SLC30A9: variants seen among roughly 807,000 people sequenced by gnomAD.
SLC30A9 encodes the protein solute carrier family 30 member 9.
Under a neutral mutation model 87.5 loss-of-function variants are expected in SLC30A9, and 58 were observed. That is an observed-to-expected ratio of 0.66 (90% confidence interval 0.54 to 0.82). SLC30A9 has a LOEUF of 0.82. SLC30A9 is among the 40% of genes least tolerant of loss of function. The probability of loss-of-function intolerance (pLI) is 0.00; values close to 1 mark genes in which losing one functional copy is unlikely to be tolerated. For synonymous variants in SLC30A9, 234 were observed against 233.0 expected, an observed-to-expected ratio of 1.00 and a Z score of -0.04; for missense variants, 557 against 679.1, an observed-to-expected ratio of 0.82 and a Z score of 2.00.
intron 4 of SLC30A9, 114 bp downstream of exon 4, chr4:42,020,629 T>A (rs992786534): frequency 1.1e-5 from 6 of 531,198 alleles, no homozygotes; most frequent in African/African-American, 5.8e-5. Flanking sequence ...TGCTACTGGC[T>A]CCTTAAAATG....
At chr4:42,068,969 A>G (rs765140168) in intron 14 of SLC30A9, among the ~76,000 whole-genome samples, 2 of 152,226 alleles carry the variant, frequency 1.3e-5, no homozygotes, top group Non-Finnish European at 2.9e-5. Context: ...ACGAGCTTCC[A>G]CAGTTCTGCA....
At chr4:42,054,595 A>G (rs1471872867) in intron 9 of SLC30A9, among the ~76,000 whole-genome samples, 1 of 150,766 alleles carries the variant, frequency 6.6e-6, no homozygotes, top group Non-Finnish European at 1.5e-5. Context: ...GGTTCACACC[A>G]TTCTCCTGCC....
intron 6 of SLC30A9, among the ~76,000 whole-genome samples, chr4:42,026,713 C>CTTTTTTTTTTT (rs1168719605): frequency 1.3e-5 from 1 of 74,488 alleles, no homozygotes. Flanking sequence ...AAGTTTGTTC[C>CTTTTTTTTTTT]TTTTTTTTTT....
chr4:42,060,060 C>A, intron 9 of SLC30A9, 131 bp from the exon 10 acceptor site: 1 of 598,298 alleles, frequency 1.7e-6, no homozygotes. Context: ...ACCAGAATTG[C>A]TGGGTCATTG....
At chr4:42,060,085 G>C (rs973801166) in intron 9 of SLC30A9, 106 bp from the exon 10 acceptor site, 17 of 813,474 alleles carry the variant, frequency 2.1e-5, no homozygotes, top group African/African-American at 2.0e-4. Flanking sequence ...TGCATATGTT[G>C]AGTGTTTCTT....
rs1719022893 is a variant in SLC30A9, at chr4:42,089,220, C to G, written c.*3094C>G. On this transcript the variant is annotated 3_prime_UTR_variant, in exon 18 of 18. Transcript: ENST00000264451. The stretch of plus-strand genomic sequence containing the variant: ...ATCAAAGGTGAGGTATACAGTGGTC[C>G]CTGACTTATAATGGTTGCACTTAAG... The G allele has an allele frequency of 6.6e-6, 1 of 151,948 alleles. No individual in the cohort carries two copies. The highest frequency in any genetic ancestry group is 6.6e-5 in the Admixed American group (1 of 15,248). 9.4% of individuals were successfully genotyped at this position (151,948 alleles called of 1,614,324 possible).
At chr4:42,076,260 A>G (rs1718546258) in intron 16 of SLC30A9, among the ~76,000 whole-genome samples, 1 of 152,178 alleles carries the variant, frequency 6.6e-6, no homozygotes, top group African/African-American at 2.4e-5. Context: ...GCCCCTGTCA[A>G]ATCTTAACAT....
chr4:42,056,578 A>G (rs763061325), intron 9 of SLC30A9, among the ~76,000 whole-genome samples: 12 of 152,092 alleles, frequency 7.9e-5, no homozygotes, highest in Non-Finnish European at 1.3e-4. Context: ...GGAATTCAAG[A>G]TGAGATTTGG....
chr4:42,054,208 A>G (rs1412226654), intron 9 of SLC30A9, among the ~76,000 whole-genome samples: 3 of 152,038 alleles, frequency 2.0e-5, no homozygotes, highest in Non-Finnish European at 2.9e-5. Flanking sequence ...ATACAAAAAC[A>G]TTAGCTGAGC....
chr4:42,066,557 T>A lies in SLC30A9; in HGVS notation c.1080T>A (p.Leu360=), dbSNP rs1166312018. The change falls in exon 13 of 18, where the codon CTT becomes CTA. Residue 360 remains leucine (L), a synonymous_variant. Coordinates refer to ENST00000264451, the MANE Select transcript of SLC30A9 (RefSeq NM_006345.4). ...TGAATGCTTTTCTTTTAGCAACACT[T>A]CTTGTTGCTGTAAATGAACTTCGTA... The part of the protein sequence containing the change: ...AGSLVSEGAT[L]LVAVNELRRN... The A allele has an allele frequency of 1.2e-6, 2 of 1,601,596 alleles. No homozygotes were observed. Among genetic ancestry groups the A allele is most frequent in the African/African-American group, 1.3e-5 (1 of 74,586 alleles).
Position 42,007,769 on chromosome 4 carries a change from A to T in SLC30A9, c.274+5989A>T, listed in dbSNP as rs573025096. Reference sequence around the variant, plus strand: ...AAGACTCCATCTCAAAAAACAAAAGATGTCACACATCTTAACACAACTACT... The same window carrying T: ...AAGACTCCATCTCAAAAAACAAAAGTTGTCACACATCTTAACACAACTACT... On this transcript the variant is annotated intron_variant, in intron 2 of 17. Coordinates refer to ENST00000264451, the MANE Select transcript of SLC30A9 (RefSeq NM_006345.4). Among the ~76,000 whole-genome samples, 8 of 151,984 alleles carry T rather than the reference A, an allele frequency of 5.3e-5. No homozygotes were observed. The South Asian group carries it at 1.5e-3, about 28-fold the overall frequency.
chr4:41,998,208 A>C (rs1271884751), intron 1 of SLC30A9, among the ~76,000 whole-genome samples: 1 of 152,196 alleles, frequency 6.6e-6, no homozygotes, highest in African/African-American at 2.4e-5. Context: ...CCATGAGAGT[A>C]AAATAAAGAC....
intron 1 of SLC30A9, among the ~76,000 whole-genome samples, chr4:41,999,853 T>A (rs932335460): frequency 2.6e-5 from 4 of 152,152 alleles, no homozygotes; most frequent in East Asian, 1.9e-4. Flanking sequence ...GGTTTTTTTT[T>A]AATTTCTGGT....
intron 14 of SLC30A9, 35 bp from the exon 15 acceptor site, chr4:42,070,491 G>C: frequency 6.4e-7 from 1 of 1,565,842 alleles, no homozygotes; most frequent in East Asian, 2.2e-5. Context: ...AATATAAACT[G>C]TTAATTTACT....
At position 42,086,235 on chromosome 4, in the gene SLC30A9, C is replaced by A; in HGVS notation, c.*109C>A. The A allele has an allele frequency of 1.7e-6, 1 of 578,260 alleles. No individual in the cohort carries two copies. The highest frequency in any genetic ancestry group is 3.0e-6 in the Non-Finnish European group (1 of 335,786). 35.8% of individuals were successfully genotyped at this position (578,260 alleles called of 1,614,324 possible). The stretch of plus-strand genomic sequence containing the variant: ...TGAAAGACTCAGTGCCATGCAGAAG[C>A]CTTTTTTTTAAGATGAAGGAAATAT... On this transcript the variant is annotated 3_prime_UTR_variant, in exon 18 of 18. Transcript: ENST00000264451.
intron 2 of SLC30A9, among the ~76,000 whole-genome samples, chr4:42,017,084 A>G (rs1217232237): frequency 1.3e-5 from 2 of 152,142 alleles, no homozygotes; most frequent in Non-Finnish European, 1.5e-5. Context: ...TCATTGTTCC[A>G]TACCCTTGCC....
intron 6 of SLC30A9, chr4:42,029,896 A>G: frequency 1.4e-6 from 1 of 702,806 alleles, no homozygotes; most frequent in Admixed American, 1.8e-5. Context: ...AGAAATGTGG[A>G]GTATTTTGGA....
chr4:42,003,037 TATA>T lies in SLC30A9; in HGVS notation c.274+1261_274+1263del, dbSNP rs757550577. Among the ~76,000 whole-genome samples, 66 of 152,308 alleles carry T rather than the reference TATA, an allele frequency of 4.3e-4. 1 individual carries two copies. The highest frequency in any genetic ancestry group is 1.9e-3 in the Admixed American group (29 of 15,298). On this transcript the variant is annotated intron_variant, in intron 2 of 17. Coordinates refer to ENST00000264451, the MANE Select transcript of SLC30A9 (RefSeq NM_006345.4). ...GATAACACATCCCACAGTTTTGATA[TATA>T]ATATTTTTATTATTTGTAAATCTAA...
chr4:42,038,989 C>T lies in SLC30A9; in HGVS notation c.673C>T (p.Arg225Cys), dbSNP rs767513447. The T allele has an allele frequency of 5.3e-5, 86 of 1,612,192 alleles. 1 individual carries two copies. The Middle Eastern group carries it at 8.3e-4, about 15-fold the overall frequency. ...AAAAGTTTTTGTTTTTTTACAGCCA[C>T]GCTCCAGAACAGCATCAGTGTTTTT... ...YRDFLGNTKP[R>C]SRTASVFFKG... Residue 225 changes from arginine to cysteine, a missense_variant, in exon 8 of 18, where the codon CGC (arginine) becomes TGC (cysteine). Around this residue, in one of 2 missense-constraint regions of SLC30A9, gnomAD observed 467 missense variants for 529.8 expected, o/e 0.88. Transcript: ENST00000264451.
Sources: allele counts gnomAD v4.1 joint callset (sites outside exome capture counted in the v4.1 genomes callset), GRCh38; gene constraint gnomAD v4.1.1; regional missense constraint gnomAD v4.1.1; transcripts MANE v1.5; gene names NCBI Gene and HGNC (gene_info 2026-07-23, HGNC 2026-07-21).